Variants in ABTB2 observed in about 807,000 individuals in gnomAD.
The protein encoded by ABTB2 is ankyrin repeat and BTB domain containing 2, also known as ankyrin repeat and BTB/POZ domain-containing protein 2.
Under a neutral mutation model 104.1 loss-of-function variants are expected in ABTB2, and 56 were observed. The ratio of observed to expected loss-of-function variants is 0.54; its 90% CI spans 0.43 to 0.67. The LOEUF (loss-of-function observed/expected upper bound fraction) is 0.67. Among genes scored for constraint, ABTB2 ranks in the 30% least tolerant of loss-of-function variants. The pLI is 0.00. For synonymous variants in ABTB2, 606 were observed against 608.2 expected (o/e 1.00, Z 0.05); for missense variants, 1,279 against 1,407.7 (o/e 0.91, Z 1.46).
chr11:34,174,575 G>A (rs1287334639), intron 3 of ABTB2, among the ~76,000 whole-genome samples: 2 of 152,210 alleles, frequency 1.3e-5, no homozygotes, highest in Non-Finnish European at 2.9e-5. Context: ...CCCTGCCCTC[G>A]GCGAGCGGCT....
chr11:34,350,143 C>T (rs1855380106), intron 1 of ABTB2, among the ~76,000 whole-genome samples: 1 of 152,164 alleles, frequency 6.6e-6, no homozygotes, highest in African/African-American at 2.4e-5. Flanking sequence ...AAGTCTGGGC[C>T]CTTCACTGCT....
At chr11:34,304,187 C>T (rs1437288860) in intron 1 of ABTB2, among the ~76,000 whole-genome samples, 1 of 152,190 alleles carries the variant, frequency 6.6e-6, no homozygotes, top group Non-Finnish European at 1.5e-5. Context: ...CATGGTATAT[C>T]TAGAGCTCAG....
intron 16 of ABTB2, among the ~76,000 whole-genome samples, chr11:34,153,912 C>G (rs1852583578): frequency 6.6e-6 from 1 of 152,208 alleles, no homozygotes; most frequent in Non-Finnish European, 1.5e-5. Flanking sequence ...TGAGATGGGA[C>G]AGCTAGGGAG....
In ABTB2 at chr11:34,154,865, G is replaced by A; in HGVS notation, c.2698-96C>T. Reference sequence around the variant, plus strand: ...GGTACTGCTCCAGCTGCCGCCTCCAGGGGCCTGTCCCTCTGCAGGTCCCCA... The same window carrying A: ...GGTACTGCTCCAGCTGCCGCCTCCAAGGGCCTGTCCCTCTGCAGGTCCCCA... On this transcript the variant is annotated intron_variant, in intron 14 of 16. Transcript: ENST00000435224. The surrounding 1 kb of genome is among the most constrained non-coding windows in gnomAD (Gnocchi z 4.9). 1 of 1,233,378 alleles carries A rather than the reference G, an allele frequency of 8.1e-7. No homozygotes were observed. The highest frequency in any genetic ancestry group is 1.2e-6 in the Non-Finnish European group (1 of 851,016). The allele number at this position is 1,233,378 out of a possible 1,614,324, so 76.4% of individuals were successfully genotyped here. A position where few individuals can be genotyped will look rare whatever the true frequency, so the allele number is the denominator to read the frequency against.
intron 4 of ABTB2, 72 bp downstream of exon 4, chr11:34,173,083 A>C (rs1316145993): frequency 8.2e-6 from 13 of 1,590,068 alleles, no homozygotes; most frequent in Non-Finnish European, 1.7e-6. Flanking sequence ...CATCTGGGGA[A>C]GAAGCGAGCA....
intron 1 of ABTB2, among the ~76,000 whole-genome samples, chr11:34,217,049 A>C (rs1418122778): frequency 6.6e-5 from 10 of 152,248 alleles, no homozygotes; most frequent in African/African-American, 2.2e-4. Context: ...ATTTGCATAT[A>C]ATTAAAAGTG....
intron 1 of ABTB2, among the ~76,000 whole-genome samples, chr11:34,214,475 T>C (rs1446932902): frequency 6.6e-6 from 1 of 151,964 alleles, no homozygotes; most frequent in African/African-American, 2.4e-5. Context: ...TGGTATAACA[T>C]TTGTTATCTG....
chr11:34,323,686 T>C (rs1855032199), intron 1 of ABTB2, among the ~76,000 whole-genome samples: 1 of 152,228 alleles, frequency 6.6e-6, no homozygotes, highest in African/African-American at 2.4e-5. Flanking sequence ...ATTTACTAAT[T>C]ATTGTCTATT....
At chr11:34,340,194 G>A (rs181789840) in intron 1 of ABTB2, among the ~76,000 whole-genome samples, 46 of 152,268 alleles carry the variant, frequency 3.0e-4, no homozygotes, top group Admixed American at 7.2e-4. Context: ...CTTCTGGGTC[G>A]CTTTTTCTGA....
At chr11:34,323,716 T>A (rs1251185921) in intron 1 of ABTB2, among the ~76,000 whole-genome samples, 1 of 152,194 alleles carries the variant, frequency 6.6e-6, no homozygotes, top group Non-Finnish European at 1.5e-5. Flanking sequence ...TAGAACAATC[T>A]CCATGAGAAG....
intron 1 of ABTB2, among the ~76,000 whole-genome samples, chr11:34,253,517 A>C (rs1378302754): frequency 6.6e-6 from 1 of 152,080 alleles, no homozygotes; most frequent in Non-Finnish European, 1.5e-5. Flanking sequence ...CTTTACTAAA[A>C]ATACAAAAAT....
intron 1 of ABTB2, among the ~76,000 whole-genome samples, chr11:34,254,583 T>A (rs1854097725): frequency 6.6e-6 from 1 of 152,108 alleles, no homozygotes; most frequent in South Asian, 2.1e-4. Context: ...TTCCTTACAT[T>A]CATGTATGGT....
chr11:34,303,280 T>C (rs1442727758), intron 1 of ABTB2, among the ~76,000 whole-genome samples: 2 of 152,254 alleles, frequency 1.3e-5, no homozygotes, highest in Non-Finnish European at 2.9e-5. Flanking sequence ...CACCAACTAC[T>C]GGCTGCAATT....
chr11:34,253,970 G>C (rs373287912), intron 1 of ABTB2, among the ~76,000 whole-genome samples: 1 of 152,284 alleles, frequency 6.6e-6, no homozygotes, highest in South Asian at 2.1e-4. Context: ...TGGACCGTGA[G>C]AGCACTGGCC....
At chr11:34,184,400 A>G (rs963390190) in intron 3 of ABTB2, among the ~76,000 whole-genome samples, 3 of 152,186 alleles carry the variant, frequency 2.0e-5, no homozygotes, top group Non-Finnish European at 4.4e-5. Flanking sequence ...TGGAGCTGTC[A>G]CCAGGAATAG....
chr11:34,173,092 C>T, intron 4 of ABTB2, 63 bp downstream of exon 4: 1 of 1,603,448 alleles, frequency 6.2e-7, no homozygotes, highest in Non-Finnish European at 8.5e-7. Context: ...AAGAAGCGAG[C>T]AGAGGGGAGC....
intron 1 of ABTB2, among the ~76,000 whole-genome samples, chr11:34,236,005 G>A (rs965223654): frequency 2.4e-4 from 36 of 152,208 alleles, no homozygotes; most frequent in African/African-American, 8.2e-4. Context: ...AGCGCCAGAC[G>A]GGGAGAGATG....
chr11:34,169,208 C>T (rs1020534255), intron 5 of ABTB2, among the ~76,000 whole-genome samples: 3 of 150,900 alleles, frequency 2.0e-5, no homozygotes, highest in African/African-American at 7.5e-5. Flanking sequence ...GAGTTTAAAC[C>T]AAATGACGGG....
Position 34,151,150 on chromosome 11 carries a change from C to G in ABTB2, c.*1237G>C, listed in dbSNP as rs902011131. The G allele has an allele frequency of 1.3e-5, 2 of 152,642 alleles. No homozygotes were observed. Among genetic ancestry groups the G allele is most frequent in the African/African-American group, 4.8e-5 (2 of 41,474 alleles). The allele number at this position is 152,642 out of a possible 1,614,324, so 9.5% of individuals were successfully genotyped here. A position where few individuals can be genotyped will look rare whatever the true frequency, so the allele number is the denominator to read the frequency against. On this transcript the variant is annotated 3_prime_UTR_variant, in exon 17 of 17. Coordinates refer to ENST00000435224, the MANE Select transcript of ABTB2 (RefSeq NM_145804.3). ...CTAGTCAAAATATTTTCCAGAATTGCAAGCCCCTGGGGGCTTTTCAGGGTG... is the reference window on the plus strand; with the variant it reads ...CTAGTCAAAATATTTTCCAGAATTGGAAGCCCCTGGGGGCTTTTCAGGGTG...
Sources: allele counts gnomAD v4.1 joint callset (sites outside exome capture counted in the v4.1 genomes callset), GRCh38; gene constraint gnomAD v4.1.1; non-coding constraint Gnocchi (gnomAD v3.1); transcripts MANE v1.5; gene names NCBI Gene and HGNC (gene_info 2026-07-23, HGNC 2026-07-21).